The following LRRC4C variants were observed in gnomAD, a reference collection of about 807,000 sequenced individuals.
LRRC4C encodes leucine-rich repeat-containing protein 4C.
In LRRC4C, 5 loss-of-function variants were observed where a neutral mutation model predicts 33.6. The observed-to-expected ratio is 0.15, with a 90% CI of 0.08 to 0.31. LRRC4C has a LOEUF of 0.31. Ranked by LOEUF, LRRC4C falls within the 10% of genes least tolerant of loss-of-function variation. The pLI, the probability that LRRC4C is intolerant of heterozygous loss-of-function variation, is 1.00. For missense variants in LRRC4C, 560 were observed against 796.7 expected (o/e 0.70, Z 3.58); for synonymous variants, 329 against 302.0 (o/e 1.09, Z -0.93).
At chr11:41,443,328 C>A (rs72898534) in intron 1 of LRRC4C, among the ~76,000 whole-genome samples, 1 of 151,808 alleles carries the variant, frequency 6.6e-6, no homozygotes, top group Non-Finnish European at 1.5e-5. Flanking sequence ...GGCAACGCAG[C>A]GCAACCCCAT....
chr11:41,172,636 C>T (rs1945025402), intron 1 of LRRC4C, among the ~76,000 whole-genome samples: 1 of 152,048 alleles, frequency 6.6e-6, no homozygotes, highest in South Asian at 2.1e-4. Flanking sequence ...TGGCCTATTC[C>T]AAATTTATTT....
intron 1 of LRRC4C, among the ~76,000 whole-genome samples, chr11:40,938,148 T>C (rs1957988089): frequency 6.6e-6 from 1 of 152,208 alleles, no homozygotes; most frequent in African/African-American, 2.4e-5. Context: ...TATCCTGCAT[T>C]GGCAGAAAGG....
At chr11:41,170,983 G>C (rs1431290608) in intron 1 of LRRC4C, among the ~76,000 whole-genome samples, 5 of 151,990 alleles carry the variant, frequency 3.3e-5, no homozygotes, top group African/African-American at 1.2e-4. Flanking sequence ...CATTTATGCA[G>C]CCAAAAAACA....
chr11:40,480,467 C>T (rs1217673092), intron 3 of LRRC4C, among the ~76,000 whole-genome samples: 2 of 151,828 alleles, frequency 1.3e-5, no homozygotes, highest in Non-Finnish European at 2.9e-5. Context: ...CAACTAACAC[C>T]AGGGCATACT....
At chr11:41,187,295 A>G (rs1565462086) in intron 1 of LRRC4C, among the ~76,000 whole-genome samples, 1 of 152,216 alleles carries the variant, frequency 6.6e-6, no homozygotes, top group Non-Finnish European at 1.5e-5. Flanking sequence ...AGGCTGTAGC[A>G]GGCATGCACA....
At chr11:40,515,828 G>A (rs1438613744) in intron 3 of LRRC4C, among the ~76,000 whole-genome samples, 3 of 151,982 alleles carry the variant, frequency 2.0e-5, no homozygotes, top group Non-Finnish European at 4.4e-5. Context: ...GGCCAATAAA[G>A]GGGCTTTAAT....
intron 3 of LRRC4C, among the ~76,000 whole-genome samples, chr11:40,384,038 T>G (rs1949005912): frequency 6.6e-6 from 1 of 151,384 alleles, no homozygotes. Flanking sequence ...TTTCTCCCAT[T>G]ATCTAGGTTG....
intron 5 of LRRC4C, among the ~76,000 whole-genome samples, chr11:40,209,852 A>G (rs1863451829): frequency 2.0e-5 from 3 of 152,222 alleles, no homozygotes; most frequent in Non-Finnish European, 4.4e-5. Flanking sequence ...GCCTGATAAA[A>G]GAGAAGTATT....
chr11:40,806,150 A>C (rs1201927155), intron 2 of LRRC4C, among the ~76,000 whole-genome samples: 1 of 152,214 alleles, frequency 6.6e-6, no homozygotes, highest in Non-Finnish European at 1.5e-5. Context: ...TGTGTGACAA[A>C]CCACCTCAAA....
chr11:41,182,848 T>TAA (rs57291815), intron 1 of LRRC4C, among the ~76,000 whole-genome samples: 129 of 144,168 alleles, frequency 8.9e-4, no homozygotes, highest in Non-Finnish European at 1.4e-3. Context: ...CTGGGCAATT[T>TAA]AAAAAAAAAA....
chr11:40,311,948 A>T (rs188690627), intron 4 of LRRC4C, among the ~76,000 whole-genome samples: 2,537 of 151,212 alleles, frequency 0.017, 57 homozygotes, highest in African/African-American at 0.058. Flanking sequence ...TGTCTCAAAA[A>T]AAAAAAAAAA....
At chr11:40,671,063 A>T (rs1944080808) in intron 2 of LRRC4C, among the ~76,000 whole-genome samples, 1 of 152,218 alleles carries the variant, frequency 6.6e-6, no homozygotes, top group African/African-American at 2.4e-5. Context: ...GCGCCTGGCC[A>T]AGAAGAACCA....
intron 3 of LRRC4C, among the ~76,000 whole-genome samples, chr11:40,422,835 T>TG (rs1480898331): frequency 1.3e-5 from 2 of 152,222 alleles, no homozygotes; most frequent in African/African-American, 4.8e-5. Context: ...AAACCAGTAG[T>TG]GAGCTGAGCT....
chr11:40,578,441 A>G (rs768091207), intron 3 of LRRC4C, among the ~76,000 whole-genome samples: 2 of 152,068 alleles, frequency 1.3e-5, no homozygotes, highest in Non-Finnish European at 2.9e-5. Context: ...CTAGTTGAAA[A>G]TGCTTTGTGT....
At chr11:40,890,859 T>A (rs1388839519) in intron 2 of LRRC4C, among the ~76,000 whole-genome samples, 2 of 151,644 alleles carry the variant, frequency 1.3e-5, no homozygotes, top group African/African-American at 2.4e-5. Flanking sequence ...GAAAAAAAAA[T>A]TGCAAACATA....
intron 1 of LRRC4C, among the ~76,000 whole-genome samples, chr11:41,356,845 G>A (rs1435819923): frequency 4.6e-5 from 7 of 152,080 alleles, no homozygotes; most frequent in Non-Finnish European, 1.0e-4. Flanking sequence ...TTTTGGAAGT[G>A]TTATGCCATT....
rs1396775618 is a variant in LRRC4C at position 41,198,129 on chromosome 11, GAACA to G, written c.-496+261298_-496+261301del. ...AGGAGTATCTATGACAAAAAATAAA[GAACA>G]AACAATTTTTGCTATGGATAAATCT... On this transcript the variant is annotated intron_variant, in intron 1 of 6. Coordinates refer to ENST00000528697, the MANE Select transcript of LRRC4C (RefSeq NM_001258419.2). 6.6e-5 allele frequency among the ~76,000 whole-genome samples: 10 copies of G among 151,858 alleles called. No individual in the cohort carries two copies. The East Asian group carries it at 1.7e-3, about 27-fold the overall frequency.
chr11:40,286,824 T>C (rs1565231946), intron 4 of LRRC4C, among the ~76,000 whole-genome samples: 1 of 152,132 alleles, frequency 6.6e-6, no homozygotes, highest in South Asian at 2.1e-4. Context: ...TGAAACAAAG[T>C]TGAAATCCAA....
chr11:41,368,308 C>T (rs993715217), intron 1 of LRRC4C, among the ~76,000 whole-genome samples: 1 of 152,156 alleles, frequency 6.6e-6, no homozygotes, highest in African/African-American at 2.4e-5. Flanking sequence ...ATTTGTTTGT[C>T]TTTCGCTCTA....
Sources: gnomAD v4.1 joint callset for allele counts (sites outside exome capture counted in the v4.1 genomes callset) on GRCh38, gnomAD v4.1.1 for gene constraint, MANE v1.5 for transcripts, NCBI Gene and HGNC (gene_info 2026-07-23, HGNC 2026-07-21) for gene names.